Variants in ADGRV1 observed in about 807,000 individuals in gnomAD.
The protein encoded by ADGRV1 is adhesion G protein-coupled receptor V1.
ADGRV1 carries 359 observed loss-of-function variants against 596.2 expected under a neutral mutation model. That is an observed-to-expected ratio of 0.60 (90% confidence interval 0.55 to 0.66). The LOEUF is 0.66. Among genes scored for constraint, ADGRV1 ranks in the 30% least tolerant of loss-of-function variants. ADGRV1 has a pLI of 0.00. For missense variants in ADGRV1, 7,274 were observed against 7,575.6 expected, an observed-to-expected ratio of 0.96 and a Z score of 1.48; for synonymous variants, 2,681 against 2,679.2, an observed-to-expected ratio of 1.00 and a Z score of -0.02.
At chr5:90,844,295 T>C (rs1404072786) in intron 78 of ADGRV1, among the ~76,000 whole-genome samples, 2 of 152,210 alleles carry the variant, frequency 1.3e-5, no homozygotes, top group African/African-American at 4.8e-5. Context: ...AATTTTATTT[T>C]CCCCCACATT....
intron 83 of ADGRV1, among the ~76,000 whole-genome samples, chr5:90,883,336 G>T (rs1229016489): frequency 6.6e-6 from 1 of 152,100 alleles, no homozygotes; most frequent in Non-Finnish European, 1.5e-5. Flanking sequence ...TGCTGGAGAG[G>T]CAGCAAATAT....
chr5:90,707,455 C>A (rs955266407), intron 38 of ADGRV1, among the ~76,000 whole-genome samples: 1 of 152,000 alleles, frequency 6.6e-6, no homozygotes, highest in African/African-American at 2.4e-5. Context: ...TGTGCTTTTA[C>A]AGAATTATAA....
At chr5:90,622,807 CT>C (rs1764261190) in intron 5 of ADGRV1, 106 bp downstream of exon 5, 2 of 379,158 alleles carry the variant, frequency 5.3e-6, no homozygotes, top group Non-Finnish European at 9.4e-6. Flanking sequence ...GTGGTGCGAT[CT>C]CAGCTCAATG....
chr5:90,583,759 A>G (rs1397757028), intron 1 of ADGRV1, among the ~76,000 whole-genome samples: 2 of 152,184 alleles, frequency 1.3e-5, no homozygotes, highest in Non-Finnish European at 2.9e-5. Flanking sequence ...CACTAGGTGT[A>G]AGGGCTTTTC....
chr5:90,778,111 A>G, intron 62 of ADGRV1, 68 bp downstream of exon 62: 10 of 1,481,564 alleles, frequency 6.7e-6, no homozygotes, highest in African/African-American at 1.4e-5. Context: ...ATGTGTGAGC[A>G]TATGTGTATG....
At chr5:90,716,349 TAAGAC>T (rs1163940834) in intron 42 of ADGRV1, 113 bp from the exon 43 acceptor site, 1 of 623,772 alleles carries the variant, frequency 1.6e-6, no homozygotes, top group African/African-American at 1.8e-5. Context: ...AAGATCATCT[TAAGAC>T]AATCACCTTA....
chr5:90,622,674 C>G lies in ADGRV1; in HGVS notation c.531C>G (p.Thr177=). ...MPLTLIREKG[T]YGMVMVTFEV... ...TTACTCTCATCAGGGAAAAGGGAAC[C>G]TATGGAATGGTCATGGTGACTTTTG... is the stretch of plus-strand genomic sequence containing the variant. Residue 177 remains threonine, a synonymous_variant, in exon 5 of 90, where the codon ACC becomes ACG. Transcript: ENST00000405460. The G allele has an allele frequency of 6.4e-7, 1 of 1,550,768 alleles. No homozygotes were observed.
intron 1 of ADGRV1, among the ~76,000 whole-genome samples, chr5:90,564,168 TGATTTTCATTTATA>T (rs1489511925): frequency 6.6e-6 from 1 of 152,266 alleles, no homozygotes; most frequent in African/African-American, 2.4e-5. Flanking sequence ...GTGAAAGAAT[TGATTTTCATTTATA>T]TTTCCAATCT....
Position 90,992,029 on chromosome 5 carries a change from A to G in ADGRV1, c.18152+6507A>G, listed in dbSNP as rs532144763. ...CCTGTGGGTGCACATGCACACGCAT[A>G]CAGAAACACAAGTACATCCACATAA... is the stretch of plus-strand genomic sequence containing the variant. On this transcript the variant is annotated intron_variant, in intron 85 of 89. Coordinates refer to ENST00000405460, the MANE Select transcript of ADGRV1 (RefSeq NM_032119.4). 5.9e-5 allele frequency among the ~76,000 whole-genome samples: 9 copies of G among 152,398 alleles called. No individual in the cohort carries two copies. The South Asian group carries it at 1.9e-3, about 32-fold the overall frequency.
rs115133486 is a variant in ADGRV1 at position 91,049,816 on chromosome 5, T to C, written c.18153-22631T>C. Among the ~76,000 whole-genome samples the C allele has an allele frequency of 8.2e-3, 1,255 of 152,314 alleles. 17 individuals are homozygous for C. The highest frequency in any genetic ancestry group is 0.029 in the African/African-American group (1,192 of 41,560). On this transcript the variant is annotated intron_variant, in intron 85 of 89. Transcript: ENST00000405460. Reference sequence around the variant, plus strand: ...GTAAGCAAGAATGACAATACAGTGCTACGGGTTCCACAGGGCCAACTTTAG... The same window carrying C: ...GTAAGCAAGAATGACAATACAGTGCCACGGGTTCCACAGGGCCAACTTTAG...
At chr5:90,721,531 A>AAAATAAAATAAAATAAAATAAAATAAAAT (rs1314967115) in intron 45 of ADGRV1, among the ~76,000 whole-genome samples, 2 of 82,640 alleles carry the variant, frequency 2.4e-5, no homozygotes, top group African/African-American at 9.4e-5. Context: ...AAATAAAAAT[A>AAAATAAAATAAAATAAAATAAAATAAAAT]AAAATAAAAT....
At chr5:90,571,277 A>G (rs1756495200) in intron 1 of ADGRV1, among the ~76,000 whole-genome samples, 1 of 152,036 alleles carries the variant, frequency 6.6e-6, no homozygotes, top group African/African-American at 2.4e-5. Flanking sequence ...GAATACCTTT[A>G]GCATTCAGCC....
Position 90,653,976 on chromosome 5 carries a change from G to A in ADGRV1, c.4378+24G>A, listed in dbSNP as rs924955457. 6.4e-6 allele frequency: 10 copies of A among 1,551,080 alleles called. No individual in the cohort carries two copies. In the East Asian group the frequency reaches 7.3e-5, roughly 11 times the overall value. On this transcript the variant is annotated intron_variant, in intron 20 of 89. Coordinates refer to ENST00000405460, the MANE Select transcript of ADGRV1 (RefSeq NM_032119.4). ...CGGTGAGGGTCATCATCACAACTAG[G>A]ACACTGAAATTTGCAGTTTCTAAAA...
At chr5:90,933,274 A>G (rs1336629059) in intron 83 of ADGRV1, among the ~76,000 whole-genome samples, 1 of 152,174 alleles carries the variant, frequency 6.6e-6, no homozygotes, top group East Asian at 1.9e-4. Flanking sequence ...ATTAATTGCA[A>G]TGACAAAGGG....
chr5:90,681,439 C>A lies in ADGRV1; in HGVS notation c.5649C>A (p.Ser1883Arg). 6.2e-7 allele frequency: 1 copy of A among 1,611,718 alleles called. No individual in the cohort carries two copies. Among genetic ancestry groups the A allele is most frequent in the Non-Finnish European group, 8.5e-7 (1 of 1,179,020 alleles). ...GAACTGAACCAGAAGATGGGTATAGCACTGTTACATTAAATGTGAGTACCT... is the reference window on the plus strand; with the variant it reads ...GAACTGAACCAGAAGATGGGTATAGAACTGTTACATTAAATGTGAGTACCT... ...VSGTEPEDGYSTVTLNVIRHH... is the reference protein window; with the variant it reads ...VSGTEPEDGYRTVTLNVIRHH... Residue 1883 changes from serine (S) to arginine (R), a missense_variant, in exon 27 of 90, where the codon AGC becomes AGA. This residue lies in a region of ADGRV1 where 3,643 missense variants were observed against 3,809.2 expected (regional missense o/e 0.96). Transcript: ENST00000405460.
At chr5:90,845,055 T>C (rs1765746320) in intron 78 of ADGRV1, among the ~76,000 whole-genome samples, 1 of 152,232 alleles carries the variant, frequency 6.6e-6, no homozygotes, top group South Asian at 2.1e-4. Context: ...TTGTATTTCA[T>C]GCTCGAGGTA....
chr5:91,009,794 C>A (rs930460184), intron 85 of ADGRV1, among the ~76,000 whole-genome samples: 1 of 151,868 alleles, frequency 6.6e-6, no homozygotes, highest in Admixed American at 6.6e-5. Flanking sequence ...GACTGGATTT[C>A]AAAACATTCT....
intron 81 of ADGRV1, among the ~76,000 whole-genome samples, chr5:90,854,786 G>T (rs960931154): frequency 6.6e-6 from 1 of 152,176 alleles, no homozygotes; most frequent in Non-Finnish European, 1.5e-5. Context: ...AGGGTCTAGG[G>T]TTCCTGTCAG....
chr5:90,861,396 G>A (rs548761133), intron 82 of ADGRV1, among the ~76,000 whole-genome samples: 6 of 151,542 alleles, frequency 4.0e-5, no homozygotes, highest in Admixed American at 1.3e-4. Context: ...TGCAACCTCC[G>A]CCTCCAGGAT....
Sources: allele counts gnomAD v4.1 joint callset (sites outside exome capture counted in the v4.1 genomes callset), GRCh38; gene constraint gnomAD v4.1.1; regional missense constraint gnomAD v4.1.1; transcripts MANE v1.5; gene names NCBI Gene and HGNC (gene_info 2026-07-23, HGNC 2026-07-21).